Variants in ZNF367 observed in about 807,000 individuals in gnomAD.
ZNF367 encodes the protein C2H2 zinc finger protein ZFF29.
Under a neutral mutation model 31.8 loss-of-function variants are expected in ZNF367, and 11 were observed. The ratio of observed to expected loss-of-function variants is 0.35; its 90% CI spans 0.22 to 0.57. ZNF367 has a LOEUF of 0.57. Ranked by LOEUF, ZNF367 falls within the 20% of genes least tolerant of loss-of-function variation. The pLI is 0.85. For synonymous variants in ZNF367, 199 were observed against 202.4 expected (o/e 0.98, Z 0.14); for missense variants, 353 against 484.1 (o/e 0.73, Z 2.54).
intron 1 of ZNF367, among the ~76,000 whole-genome samples, chr9:96,411,867 G>A (rs1161718597): frequency 2.6e-5 from 4 of 151,886 alleles, no homozygotes; most frequent in Non-Finnish European, 4.4e-5. Flanking sequence ...TGGCTCTGTC[G>A]CCCAGGCTAG....
rs139817842 is a variant in ZNF367, at chr9:96,415,690, G to C, written c.420+1923C>G. ...TTTTTATATTTTTAGTAGAGACAGG[G>C]TTTCACCATGTTGGTCAGGCTGGTC... On this transcript the variant is annotated intron_variant, in intron 1 of 4. Transcript: ENST00000375256. Among the ~76,000 whole-genome samples, 1,313 of 151,440 alleles carry C rather than the reference G, an allele frequency of 8.7e-3. 24 individuals carry two copies. Among genetic ancestry groups the C allele is most frequent in the African/African-American group, 0.031 (1,263 of 41,258 alleles).
intron 1 of ZNF367, among the ~76,000 whole-genome samples, chr9:96,403,932 GC>G: frequency 6.6e-6 from 1 of 152,322 alleles, no homozygotes; most frequent in African/African-American, 2.4e-5. Context: ...GGTAGCCCAT[GC>G]CTGTAATCCC....
chr9:96,404,421 C>T (rs1411697229), intron 1 of ZNF367, among the ~76,000 whole-genome samples: 2 of 151,970 alleles, frequency 1.3e-5, no homozygotes, highest in Non-Finnish European at 1.5e-5. Flanking sequence ...GGTGAAACCC[C>T]GTCTCTACTA....
Position 96,398,250 on chromosome 9 carries a change from T to C in ZNF367, c.485A>G (p.His162Arg). 1 of 1,613,870 alleles carries C rather than the reference T, an allele frequency of 6.2e-7. No homozygotes were observed. The highest frequency in any genetic ancestry group is 1.1e-5 in the South Asian group (1 of 91,052). The part of the protein sequence containing the change: ...TVRDLINEGE[H>R]SSSRIRCNIC... ...GTTACAACGGATTCTGCTGGATGAA[T>C]GCTCTCCTTCATTTATTAAATCGCG... Residue 162 changes from histidine (H) to arginine (R), a missense_variant, in exon 2 of 5, where the codon CAT (histidine) becomes CGT (arginine). Around this residue, in one of 5 missense-constraint regions of ZNF367, gnomAD observed 57 missense variants for 141.9 expected, o/e 0.40. Coordinates refer to ENST00000375256, the MANE Select transcript of ZNF367 (RefSeq NM_153695.4).
chr9:96,397,941 T>G lies in ZNF367; in HGVS notation c.571+223A>C, dbSNP rs561058350. ...CCCATCTCTACTAAAAATACAAAAA[T>G]TAGCTGGGCGTGGTGGCACACACCT... On this transcript the variant is annotated intron_variant, in intron 2 of 4. Transcript: ENST00000375256. Among the ~76,000 whole-genome samples the G allele has an allele frequency of 4.8e-3, 727 of 151,652 alleles. 1 individual carries two copies. The highest frequency in any genetic ancestry group is 6.5e-3 in the Non-Finnish European group (442 of 67,884).
chr9:96,392,354 C>T (rs571774005), intron 4 of ZNF367, 44 bp downstream of exon 4: 12 of 1,613,562 alleles, frequency 7.4e-6, no homozygotes, highest in South Asian at 6.6e-5. Flanking sequence ...AGCCCCAGCC[C>T]GCGCTGTGCA....
intron 4 of ZNF367, among the ~76,000 whole-genome samples, chr9:96,390,962 G>A (rs1398420884): frequency 1.3e-5 from 2 of 151,090 alleles, no homozygotes; most frequent in Non-Finnish European, 2.9e-5. Flanking sequence ...TAATGGGGCA[G>A]TAGGAGCTAA....
intron 1 of ZNF367, among the ~76,000 whole-genome samples, chr9:96,407,101 C>A (rs1831680372): frequency 6.6e-6 from 1 of 151,180 alleles, no homozygotes; most frequent in South Asian, 2.1e-4. Context: ...GATAGGGTCG[C>A]TTGAGGCCGG....
At chr9:96,416,071 GGTTTTTTTTTTTGTT>G (rs1247341491) in intron 1 of ZNF367, among the ~76,000 whole-genome samples, 1 of 148,244 alleles carries the variant, frequency 6.7e-6, no homozygotes, top group African/African-American at 2.5e-5. Flanking sequence ...GCTCTGTTAT[GGTTTTTTTTTTTGTT>G]GTTTTTTTTT....
intron 1 of ZNF367, among the ~76,000 whole-genome samples, chr9:96,417,000 T>C (rs989923689): frequency 6.6e-5 from 10 of 152,324 alleles, no homozygotes; most frequent in Admixed American, 2.0e-4. Context: ...TTTGAACCAG[T>C]GGTAACGACC....
At chr9:96,404,699 A>G (rs1482510658) in intron 1 of ZNF367, among the ~76,000 whole-genome samples, 1 of 152,086 alleles carries the variant, frequency 6.6e-6, no homozygotes, top group African/African-American at 2.4e-5. Context: ...TTGACTTTGT[A>G]TTTTTTTAAT....
chr9:96,388,178 A>T lies in ZNF367; in HGVS notation c.*59T>A. 2 of 1,498,106 alleles carry T rather than the reference A, an allele frequency of 1.3e-6. No homozygotes were observed. The highest frequency in any genetic ancestry group is 1.8e-6 in the Non-Finnish European group (2 of 1,111,812). 92.8% of individuals were successfully genotyped at this position (1,498,106 alleles called of 1,614,324 possible). A position where few individuals can be genotyped will look rare whatever the true frequency, so the allele number is the denominator to read the frequency against. On this transcript the variant is annotated 3_prime_UTR_variant, in exon 5 of 5. Coordinates refer to ENST00000375256, the MANE Select transcript of ZNF367 (RefSeq NM_153695.4). ...TAAGGTGCTTAGCTTATGCCCAAGG[A>T]TCTACTTTTTAAGTATGCTGGGCAG...
intron 1 of ZNF367, among the ~76,000 whole-genome samples, chr9:96,406,553 A>G (rs1222579701): frequency 3.3e-5 from 5 of 152,244 alleles, no homozygotes; most frequent in African/African-American, 1.2e-4. Context: ...GAAAGTTTTC[A>G]AAAGATTTAA....
Position 96,417,959 on chromosome 9 carries a change from T to G in ZNF367, c.74A>C (p.Asp25Ala), listed in dbSNP as rs759464009. 8.1e-6 allele frequency: 12 copies of G among 1,481,392 alleles called. No individual in the cohort carries two copies. The highest frequency in any genetic ancestry group is 9.8e-6 in the Non-Finnish European group (11 of 1,122,608). The allele number at this position is 1,481,392 out of a possible 1,614,324, so 91.8% of individuals were successfully genotyped here. A position where few individuals can be genotyped will look rare whatever the true frequency, so the allele number is the denominator to read the frequency against. The change falls in exon 1 of 5, where the codon GAC (aspartate) becomes GCC (alanine). Residue 25 changes from aspartate to alanine, a missense_variant. Transcript: ENST00000375256. The surrounding 1 kb of genome is among the most constrained non-coding windows in gnomAD (Gnocchi z 5.0). ...CGACACCAGCACCCGCTTCGGGGAG[T>G]CGTGGCAGAAGATGACGGGCGGCGG... ...PPPPPVIFCHDSPKRVLVSVI... is the reference protein window; with the variant it reads ...PPPPPVIFCHASPKRVLVSVI...
At chr9:96,394,498 G>T (rs1831507008) in intron 3 of ZNF367, among the ~76,000 whole-genome samples, 1 of 152,178 alleles carries the variant, frequency 6.6e-6, no homozygotes, top group Admixed American at 6.5e-5. Context: ...GGGATTATTT[G>T]TAACACAAAG....
Position 96,388,411 on chromosome 9 carries a change from C to A in ZNF367, c.879G>T (p.Leu293=), listed in dbSNP as rs1356625632. 1.9e-6 allele frequency: 3 copies of A among 1,614,042 alleles called. No individual in the cohort carries two copies. The highest frequency in any genetic ancestry group is 2.5e-6 in the Non-Finnish European group (3 of 1,180,040). The part of the protein sequence containing the change: ...EQRTPTLKGK[L]VQKADQEQQD... The stretch of plus-strand genomic sequence containing the variant: ...GCTGCTCCTGATCAGCCTTCTGAAC[C>A]AGCTTGCCTTTCAAAGTGGGGGTGC... The change falls in exon 5 of 5, where the codon CTG becomes CTT. Residue 293 remains leucine (L), a synonymous_variant. Coordinates refer to ENST00000375256, the MANE Select transcript of ZNF367 (RefSeq NM_153695.4).
chr9:96,397,468 C>T (rs1831546857), intron 2 of ZNF367, among the ~76,000 whole-genome samples: 1 of 152,146 alleles, frequency 6.6e-6, no homozygotes, highest in African/African-American at 2.4e-5. Flanking sequence ...AGTGAGGACT[C>T]TAAACATTCT....
chr9:96,388,671 T>C (rs1478566614), intron 4 of ZNF367, among the ~76,000 whole-genome samples: 1 of 152,244 alleles, frequency 6.6e-6, no homozygotes, highest in Non-Finnish European at 1.5e-5. Context: ...ACAATAAACC[T>C]GGCAGTTCTA....
chr9:96,408,011 A>G (rs1831694139), intron 1 of ZNF367, among the ~76,000 whole-genome samples: 1 of 150,512 alleles, frequency 6.6e-6, no homozygotes, highest in African/African-American at 2.4e-5. Flanking sequence ...AAATAAATAA[A>G]TAAATAAACG....
Sources: gnomAD v4.1 joint callset for allele counts (sites outside exome capture counted in the v4.1 genomes callset) on GRCh38, gnomAD v4.1.1 for gene constraint, gnomAD v4.1.1 regional missense constraint, Gnocchi (gnomAD v3.1) non-coding constraint, MANE v1.5 for transcripts, NCBI Gene and HGNC (gene_info 2026-07-23, HGNC 2026-07-21) for gene names.